Variants in FOXO1 observed in about 807,000 individuals in gnomAD.
The protein encoded by FOXO1 is forkhead box O1.
Under a neutral mutation model 44.1 loss-of-function variants are expected in FOXO1, and 6 were observed. The ratio of observed to expected loss-of-function variants is 0.14; its 90% CI spans 0.07 to 0.27. The LOEUF is 0.27. Among genes scored for constraint, FOXO1 ranks in the 10% least tolerant of loss-of-function variants. The pLI is 1.00. For missense variants in FOXO1, 737 were observed against 888.8 expected (o/e 0.83, Z 2.17); for synonymous variants, 380 against 362.7 (o/e 1.05, Z -0.54).
At chr13:40,641,751 CG>C (rs1877361231) in intron 1 of FOXO1, among the ~76,000 whole-genome samples, 3 of 152,004 alleles carry the variant, frequency 2.0e-5, no homozygotes, top group Admixed American at 2.0e-4. Flanking sequence ...TTTGGGAGGC[CG>C]AAGCAGGCAG....
chr13:40,666,165 C>A lies in FOXO1; in HGVS notation c.48G>T (p.Pro16=). ...AGGTGCACGAGCGCGGCCGGGGCAGCGGCTCGAAGTCCGGGTCGATCTCCA... is the reference window on the plus strand; with the variant it reads ...AGGTGCACGAGCGCGGCCGGGGCAGAGGCTCGAAGTCCGGGTCGATCTCCA... ...QVVEIDPDFE[P]LPRPRSCTWP... is the part of the protein sequence containing the mutation. Residue 16 remains proline (P), a synonymous_variant, in exon 1 of 3, where the codon CCG becomes CCT. Coordinates refer to ENST00000379561, the MANE Select transcript of FOXO1 (RefSeq NM_002015.4). 6.9e-7 allele frequency: 1 copy of A among 1,459,176 alleles called. No individual in the cohort carries two copies. The highest frequency in any genetic ancestry group is 9.0e-7 in the Non-Finnish European group (1 of 1,108,732). 90.4% of individuals were successfully genotyped at this position (1,459,176 alleles called of 1,614,324 possible).
In FOXO1 at chr13:40,655,637, C is replaced by CTTTT. The variant is rs774180443; in HGVS notation, c.630+9942_630+9945dup. ...ATTAGTAAAATAGTTTTCTACACTT[C>CTTTT]TTTTTTTTTTTTTTTTTTTTTGGCA... On this transcript the variant is annotated intron_variant, in intron 1 of 2. Coordinates refer to ENST00000379561, the MANE Select transcript of FOXO1 (RefSeq NM_002015.4). Among the ~76,000 whole-genome samples, 270 of 101,244 alleles carry CTTTT rather than the reference C, an allele frequency of 2.7e-3. 5 individuals carry two copies. Among genetic ancestry groups the CTTTT allele is most frequent in the African/African-American group, 5.4e-3 (132 of 24,524 alleles). The allele number at this position is 101,244 out of a possible 152,430, so 66.4% of individuals were successfully genotyped here.
At chr13:40,563,228 G>A (rs1252898895) in intron 1 of FOXO1, among the ~76,000 whole-genome samples, 2 of 152,170 alleles carry the variant, frequency 1.3e-5, no homozygotes, top group South Asian at 2.1e-4. Context: ...CAACCACTGC[G>A]CCTGAGCAGA....
chr13:40,621,772 C>T lies in FOXO1; in HGVS notation c.630+43811G>A, dbSNP rs553921039. Among the ~76,000 whole-genome samples, 48 of 152,188 alleles carry T rather than the reference C, an allele frequency of 3.2e-4. 1 individual carries two copies. The highest frequency in any genetic ancestry group is 3.1e-3 in the East Asian group (16 of 5,188). The stretch of plus-strand genomic sequence containing the variant: ...AAATAAGCTTTTCATTAACTTTTTA[C>T]GAATAATACCTTTTCATGAGAGTAT... On this transcript the variant is annotated intron_variant, in intron 1 of 2. Transcript: ENST00000379561.
intron 1 of FOXO1, among the ~76,000 whole-genome samples, chr13:40,627,790 G>A (rs554116817): frequency 1.1e-4 from 17 of 150,662 alleles, no homozygotes; most frequent in Non-Finnish European, 2.2e-4. Flanking sequence ...CCAAGATCGC[G>A]CCATTGCACT....
chr13:40,614,449 T>C (rs868046142), intron 1 of FOXO1, among the ~76,000 whole-genome samples: 5 of 152,194 alleles, frequency 3.3e-5, no homozygotes, highest in Non-Finnish European at 7.4e-5. Context: ...GGACTCAAGG[T>C]CACTGGAGTT....
intron 1 of FOXO1, among the ~76,000 whole-genome samples, chr13:40,663,877 CTG>C (rs1212843164): frequency 2.0e-5 from 3 of 152,196 alleles, no homozygotes; most frequent in Non-Finnish European, 2.9e-5. Flanking sequence ...AGGGATGACA[CTG>C]TGTGTAAAAT....
intron 1 of FOXO1, among the ~76,000 whole-genome samples, chr13:40,643,057 C>G (rs2137924967): frequency 6.6e-6 from 1 of 152,074 alleles, no homozygotes; most frequent in South Asian, 2.1e-4. Context: ...AAATGTAATA[C>G]AGGACCGGGC....
chr13:40,605,659 GCA>G (rs1265249454), intron 1 of FOXO1, among the ~76,000 whole-genome samples: 8 of 152,100 alleles, frequency 5.3e-5, no homozygotes, highest in Admixed American at 2.6e-4. Flanking sequence ...TCATAGGCGT[GCA>G]CTCTGTTTTT....
chr13:40,559,846 T>C lies in FOXO1; in HGVS notation c.1645A>G (p.Thr549Ala). The change falls in exon 2 of 3, where the codon ACC (threonine) becomes GCC (alanine). Residue 549 changes from threonine to alanine, a missense_variant. Coordinates refer to ENST00000379561, the MANE Select transcript of FOXO1 (RefSeq NM_002015.4). ...TGGGTCAGGCGGTTCATACCCGAGG[T>C]GTGGGGCATGGTGCTTACCGTGTGG... ...LPHTVSTMPH[T>A]SGMNRLTQVK... The C allele has an allele frequency of 1.2e-6, 2 of 1,613,950 alleles. No homozygotes were observed. Among genetic ancestry groups the C allele is most frequent in the Non-Finnish European group, 1.7e-6 (2 of 1,179,934 alleles).
At chr13:40,599,638 T>C (rs961331900) in intron 1 of FOXO1, among the ~76,000 whole-genome samples, 2 of 151,812 alleles carry the variant, frequency 1.3e-5, no homozygotes, top group African/African-American at 2.4e-5. Context: ...CTAGATAGGG[T>C]GGGTACGGAA....
rs1878234649 is a variant in FOXO1, at chr13:40,666,028, G to C, written c.185C>G (p.Ser62Trp). 7.8e-7 allele frequency: 1 copy of C among 1,280,448 alleles called. No homozygotes were observed. The highest frequency in any genetic ancestry group is 4.2e-5 in the Admixed American group (1 of 23,658). 79.3% of individuals were successfully genotyped at this position (1,280,448 alleles called of 1,614,324 possible). The change falls in exon 1 of 3, where the codon TCG becomes TGG. Residue 62 changes from serine (S) to tryptophan (W), a missense_variant. By Grantham distance (177) the Ser-to-Trp change is radical (BLOSUM62 -3). Coordinates refer to ENST00000379561, the MANE Select transcript of FOXO1 (RefSeq NM_002015.4). ...PDAAAGLPSA[S>W]AAAVSADFMS... ...GAAGTCGGCGCTGACAGCGGCAGCC[G>C]AGGCCGAGGGCAGGCCCGCCGCGGC...
chr13:40,665,270 AC>A (rs941760433), intron 1 of FOXO1, among the ~76,000 whole-genome samples: 2 of 151,814 alleles, frequency 1.3e-5, no homozygotes, highest in Non-Finnish European at 2.9e-5. Flanking sequence ...CTCCCAGCGA[AC>A]CCCTTTCTCC....
At chr13:40,599,215 C>T (rs1202058278) in intron 1 of FOXO1, among the ~76,000 whole-genome samples, 4 of 140,742 alleles carry the variant, frequency 2.8e-5, no homozygotes, top group Non-Finnish European at 6.3e-5. Context: ...GAAAAACACG[C>T]TGAAAAAAAA....
chr13:40,570,645 C>T (rs60250748), intron 1 of FOXO1, among the ~76,000 whole-genome samples: 7,292 of 152,228 alleles, frequency 0.048, 585 homozygotes, highest in East Asian at 0.39. Context: ...TTACACCATA[C>T]CAAAGCTTTT....
chr13:40,664,709 G>A (rs1384564672), intron 1 of FOXO1, among the ~76,000 whole-genome samples: 5 of 152,132 alleles, frequency 3.3e-5, no homozygotes, highest in Non-Finnish European at 7.4e-5. Context: ...ACCAAGTTCG[G>A]GCGCTTCCCC....
chr13:40,572,974 A>C (rs1241741345), intron 1 of FOXO1, among the ~76,000 whole-genome samples: 3 of 152,134 alleles, frequency 2.0e-5, no homozygotes, highest in African/African-American at 7.2e-5. Flanking sequence ...AGCTCACATA[A>C]ATGTTTCAGT....
At chr13:40,664,443 T>A (rs1878148120) in intron 1 of FOXO1, among the ~76,000 whole-genome samples, 3 of 151,620 alleles carry the variant, frequency 2.0e-5, no homozygotes, top group African/African-American at 2.4e-5. Context: ...AGTCGGGAAG[T>A]GCCTGCCCCC....
intron 1 of FOXO1, among the ~76,000 whole-genome samples, chr13:40,604,482 T>C (rs1386452541): frequency 1.3e-5 from 2 of 152,168 alleles, no homozygotes; most frequent in East Asian, 1.9e-4. Context: ...TTTACACTTA[T>C]ATTAGAATGG....
Sources: allele counts gnomAD v4.1 joint callset (sites outside exome capture counted in the v4.1 genomes callset), GRCh38; gene constraint gnomAD v4.1.1; transcripts MANE v1.5; gene names NCBI Gene and HGNC (gene_info 2026-07-23, HGNC 2026-07-21).